The following CTNNA3 variants were observed in gnomAD, a reference collection of about 807,000 sequenced individuals.
CTNNA3 encodes catenin alpha-3.
Under a neutral mutation model 95.7 loss-of-function variants are expected in CTNNA3, and 76 were observed. The observed-to-expected ratio is 0.79, with a 90% CI of 0.66 to 0.96. The LOEUF (loss-of-function observed/expected upper bound fraction) is 0.96. CTNNA3 is among the 40% of genes least tolerant of loss of function. The pLI is 0.00. For missense variants in CTNNA3, 1,191 were observed against 1,089.8 expected (o/e 1.09, Z -1.31); for synonymous variants, 431 against 374.4 (o/e 1.15, Z -1.74).
intron 13 of CTNNA3, among the ~76,000 whole-genome samples, chr10:66,172,624 A>G (rs1366685910): frequency 6.6e-6 from 1 of 151,906 alleles, no homozygotes; most frequent in Non-Finnish European, 1.5e-5. Context: ...TGCATCTATG[A>G]TAAATTGATG....
chr10:66,305,941 T>C (rs558960405), intron 12 of CTNNA3, among the ~76,000 whole-genome samples: 2 of 152,330 alleles, frequency 1.3e-5, no homozygotes, highest in East Asian at 1.9e-4. Flanking sequence ...AGCAAGAATG[T>C]TGAGTGAACA....
intron 9 of CTNNA3, among the ~76,000 whole-genome samples, chr10:66,674,710 T>C (rs1846787139): frequency 6.6e-6 from 1 of 152,078 alleles, no homozygotes; most frequent in Admixed American, 6.6e-5. Context: ...TGATGGGTAA[T>C]ACTTTATTAT....
intron 7 of CTNNA3, among the ~76,000 whole-genome samples, chr10:67,124,913 C>T (rs1361825022): frequency 6.6e-6 from 1 of 152,068 alleles, no homozygotes; most frequent in Admixed American, 6.6e-5. Flanking sequence ...GCTAAAGGGG[C>T]AGTAATAATT....
Position 67,668,118 on chromosome 10 carries a change from T to C in CTNNA3, c.-5-20600A>G, listed in dbSNP as rs1487665524. ...GAACTATGTCTCACTCAATGGTTTTTGGTTTTCGCAGGTGCCTTAAGAACC... is the reference window on the plus strand; with the variant it reads ...GAACTATGTCTCACTCAATGGTTTTCGGTTTTCGCAGGTGCCTTAAGAACC... On this transcript the variant is annotated intron_variant, in intron 1 of 17. Coordinates refer to ENST00000433211, the MANE Select transcript of CTNNA3 (RefSeq NM_013266.4). Among the ~76,000 whole-genome samples, 7 of 152,318 alleles carry C rather than the reference T, an allele frequency of 4.6e-5. No homozygotes were observed. In the East Asian group the frequency reaches 1.3e-3, roughly 29 times the overall value.
At chr10:66,833,403 A>T (rs1477045347) in intron 7 of CTNNA3, among the ~76,000 whole-genome samples, 1 of 152,218 alleles carries the variant, frequency 6.6e-6, no homozygotes, top group African/African-American at 2.4e-5. Flanking sequence ...AATTGCACTG[A>T]CTACGTGCAA....
At chr10:66,379,422 A>G (rs2092819929) in intron 11 of CTNNA3, 70 bp from the exon 12 acceptor site, 2 of 1,262,594 alleles carry the variant, frequency 1.6e-6, no homozygotes, top group Non-Finnish European at 2.3e-6. Context: ...CTAGCATATT[A>G]TAATTATGTT....
intron 7 of CTNNA3, among the ~76,000 whole-genome samples, chr10:66,805,486 T>C (rs1226261121): frequency 6.7e-6 from 1 of 148,402 alleles, no homozygotes; most frequent in Non-Finnish European, 1.5e-5. Context: ...TATATACACA[T>C]ATATATACAT....
chr10:66,504,871 C>T (rs1747899681), intron 11 of CTNNA3, among the ~76,000 whole-genome samples: 1 of 152,068 alleles, frequency 6.6e-6, no homozygotes, highest in Admixed American at 6.6e-5. Context: ...CAATTCTAAG[C>T]AAATTGTTTA....
intron 9 of CTNNA3, among the ~76,000 whole-genome samples, chr10:66,705,334 C>T (rs1199332899): frequency 6.6e-6 from 1 of 151,818 alleles, no homozygotes; most frequent in Admixed American, 6.6e-5. Context: ...TTTATAATGT[C>T]TTTGGTTTTA....
At chr10:65,971,554 A>G (rs894325938) in intron 16 of CTNNA3, among the ~76,000 whole-genome samples, 1 of 152,038 alleles carries the variant, frequency 6.6e-6, no homozygotes, top group African/African-American at 2.4e-5. Context: ...ATCTGTGCAT[A>G]CAAACTAGAA....
intron 5 of CTNNA3, among the ~76,000 whole-genome samples, chr10:67,412,521 T>C (rs1440309136): frequency 6.6e-6 from 1 of 152,018 alleles, no homozygotes; most frequent in African/African-American, 2.4e-5. Flanking sequence ...AGCCAGATAC[T>C]ATACAAGATG....
chr10:67,096,752 T>A (rs1858017266), intron 7 of CTNNA3, among the ~76,000 whole-genome samples: 1 of 151,894 alleles, frequency 6.6e-6, no homozygotes, highest in Non-Finnish European at 1.5e-5. Context: ...AGAACTTGCT[T>A]TCTTTAGTTG....
At chr10:66,623,206 T>C (rs1002949626) in intron 9 of CTNNA3, among the ~76,000 whole-genome samples, 1 of 152,108 alleles carries the variant, frequency 6.6e-6, no homozygotes, top group Admixed American at 6.5e-5. Flanking sequence ...TAATTCACAC[T>C]GCATTTGCAA....
Position 66,459,247 on chromosome 10 carries a change from A to G in CTNNA3, c.1531+61370T>C, listed in dbSNP as rs78016564. Reference sequence around the variant, plus strand: ...TCTTTAAGAACACAGTATATAATACATACAACATACAAAATCTGTGTTAAA... The same window carrying G: ...TCTTTAAGAACACAGTATATAATACGTACAACATACAAAATCTGTGTTAAA... On this transcript the variant is annotated intron_variant, in intron 11 of 17. Coordinates refer to ENST00000433211, the MANE Select transcript of CTNNA3 (RefSeq NM_013266.4). Among the ~76,000 whole-genome samples, 1,248 of 152,320 alleles carry G rather than the reference A, an allele frequency of 8.2e-3. 15 individuals are homozygous for G. Among genetic ancestry groups the G allele is most frequent in the African/African-American group, 0.029 (1,193 of 41,574 alleles).
intron 5 of CTNNA3, among the ~76,000 whole-genome samples, chr10:67,313,548 C>T (rs1327274947): frequency 6.6e-6 from 1 of 152,030 alleles, no homozygotes; most frequent in Non-Finnish European, 1.5e-5. Flanking sequence ...CTAATGAAGG[C>T]AACAGAGAGT....
intron 12 of CTNNA3, among the ~76,000 whole-genome samples, chr10:66,326,182 A>G (rs1237757465): frequency 1.3e-5 from 2 of 152,246 alleles, no homozygotes; most frequent in Middle Eastern, 3.4e-3. Context: ...CACAACTTAG[A>G]AGATCCTTTT....
At chr10:67,513,787 G>A (rs1044617592) in intron 5 of CTNNA3, among the ~76,000 whole-genome samples, 4 of 152,154 alleles carry the variant, frequency 2.6e-5, no homozygotes, top group African/African-American at 9.7e-5. Flanking sequence ...TCCAATCTCA[G>A]CATCATGCAG....
intron 1 of CTNNA3, among the ~76,000 whole-genome samples, chr10:67,759,640 T>A (rs1356445541): frequency 6.6e-6 from 1 of 152,218 alleles, no homozygotes; most frequent in African/African-American, 2.4e-5. Context: ...GCAGGACTTG[T>A]GAATATAATA....
chr10:66,519,491 A>G (rs1297317972), intron 11 of CTNNA3, among the ~76,000 whole-genome samples: 2 of 152,182 alleles, frequency 1.3e-5, no homozygotes, highest in Non-Finnish European at 2.9e-5. Flanking sequence ...CAAGCTGGGA[A>G]CTGCTTAGGA....
Sources: allele counts gnomAD v4.1 joint callset (sites outside exome capture counted in the v4.1 genomes callset), GRCh38; gene constraint gnomAD v4.1.1; transcripts MANE v1.5; gene names NCBI Gene and HGNC (gene_info 2026-07-23, HGNC 2026-07-21).